Variants in KIF26A observed in about 807,000 individuals in gnomAD.
KIF26A encodes kinesin-like protein KIF26A.
In KIF26A, 74 loss-of-function variants were observed where a neutral mutation model predicts 126.0. The observed-to-expected ratio is 0.59, with a 90% CI of 0.49 to 0.71. KIF26A has a LOEUF of 0.71. Ranked by LOEUF, KIF26A falls within the 30% of genes least tolerant of loss-of-function variation. The pLI, the probability that KIF26A is intolerant of heterozygous loss-of-function variation, is 0.00. For synonymous variants in KIF26A, 1,445 were observed against 1,232.7 expected, an observed-to-expected ratio of 1.17 and a Z score of -3.61; for missense variants, 2,984 against 2,763.3, an observed-to-expected ratio of 1.08 and a Z score of -1.79.
rs1471997684 is a variant in KIF26A at position 104,166,885 on chromosome 14, C to T, written c.950C>T (p.Ser317Phe). 1 of 1,583,670 alleles carries T rather than the reference C, an allele frequency of 6.3e-7. No homozygotes were observed. Among genetic ancestry groups the T allele is most frequent in the Admixed American group, 1.8e-5 (1 of 56,404 alleles). Residue 317 changes from serine (S) to phenylalanine (F), a missense_variant, in exon 5 of 15, where the codon TCC becomes TTC. By Grantham distance (155) the Ser-to-Phe change is radical. Coordinates refer to ENST00000423312, the MANE Select transcript of KIF26A (RefSeq NM_015656.2). ...IRAMQKLSLA[S>F]KRKKPHPPPP... ...GCTATGCAGAAGCTCAGCCTGGCCT[C>T]CAAGAGGAAGAAGCCCCACCCGCCA...
intron 14 of KIF26A, 99 bp from the exon 15 acceptor site, chr14:104,179,510 C>G (rs1029157062): frequency 4.2e-6 from 6 of 1,428,514 alleles, no homozygotes; most frequent in Non-Finnish European, 5.5e-6. Context: ...CAGGGTCGGC[C>G]GGGCCAAGAT....
At chr14:104,166,178 G>A (rs915915778) in intron 4 of KIF26A, among the ~76,000 whole-genome samples, 2 of 138,582 alleles carry the variant, frequency 1.4e-5, no homozygotes, top group Admixed American at 1.4e-4. Context: ...GACGAGGGTG[G>A]CAGGGGCCCA....
intron 4 of KIF26A, among the ~76,000 whole-genome samples, chr14:104,164,740 CGCGT>C (rs1566860375): frequency 1.4e-5 from 2 of 147,558 alleles, no homozygotes; most frequent in African/African-American, 5.0e-5. Flanking sequence ...TGTGTGTGTG[CGCGT>C]GTCTGTGTGT....
rs921716777 is a variant in KIF26A, at chr14:104,151,088, A to G, written c.289-927A>G. The stretch of plus-strand genomic sequence containing the variant: ...TGAGGGACACGGGTGGGCCCCAGAG[A>G]GGAGTAAGCCTCTTGGTCGATTCCC... On this transcript the variant is annotated intron_variant, in intron 2 of 14. Coordinates refer to ENST00000423312, the MANE Select transcript of KIF26A (RefSeq NM_015656.2). The surrounding 1 kb of genome is among the most constrained non-coding windows in gnomAD (Gnocchi z 4.9). 2.0e-5 allele frequency among the ~76,000 whole-genome samples: 3 copies of G among 152,142 alleles called. No homozygotes were observed. Among genetic ancestry groups the G allele is most frequent in the East Asian group, 1.9e-4 (1 of 5,188 alleles).
rs761161538 is a variant in KIF26A at position 104,176,628 on chromosome 14, C to T, written c.3840C>T (p.Ala1280=). 1 of 1,608,062 alleles carries T rather than the reference C, an allele frequency of 6.2e-7. No individual in the cohort carries two copies. Among genetic ancestry groups the T allele is most frequent in the Non-Finnish European group, 8.5e-7 (1 of 1,178,458 alleles). ...AGGCCCAGGTGATGCTAGCCTGTGC[C>T]CAGAGAGTGGTGGACGGGTGTGAGG... is the stretch of plus-strand genomic sequence containing the variant. ...LPEAQVMLAC[A]QRVVDGCEVA... is the part of the protein sequence containing the mutation. Residue 1280 remains alanine (A), a synonymous_variant, in exon 12 of 15, where the codon GCC becomes GCT. Transcript: ENST00000423312.
intron 4 of KIF26A, among the ~76,000 whole-genome samples, chr14:104,166,480 G>A (rs981455752): frequency 6.6e-6 from 1 of 152,160 alleles, no homozygotes; most frequent in Non-Finnish European, 1.5e-5. Context: ...CACAGCCTGG[G>A]CATCGGGTGG....
chr14:104,164,097 C>T (rs1372498097), intron 4 of KIF26A, among the ~76,000 whole-genome samples: 1 of 152,090 alleles, frequency 6.6e-6, no homozygotes, highest in Non-Finnish European at 1.5e-5. Flanking sequence ...TAAGAGACAG[C>T]TCCTATTCAA....
intron 3 of KIF26A, among the ~76,000 whole-genome samples, chr14:104,156,289 G>T: frequency 6.6e-6 from 1 of 152,236 alleles, no homozygotes; most frequent in East Asian, 1.9e-4. Context: ...TGAGGTGAGG[G>T]AGTGGCTGGG....
intron 2 of KIF26A, among the ~76,000 whole-genome samples, chr14:104,150,894 G>T (rs1343401891): frequency 6.6e-6 from 1 of 152,174 alleles, no homozygotes; most frequent in Non-Finnish European, 1.5e-5. Context: ...TGTCCTGGGG[G>T]TTGCCCGGGC....
At chr14:104,160,638 C>T (rs916314728) in intron 4 of KIF26A, among the ~76,000 whole-genome samples, 4 of 152,276 alleles carry the variant, frequency 2.6e-5, no homozygotes, top group East Asian at 1.9e-4. Flanking sequence ...AGGAGTTCTC[C>T]GAAGGCTCTG....
Position 104,175,678 on chromosome 14 carries a change from G to A in KIF26A, c.2890G>A (p.Ala964Thr). ...TCCTCAGTTGCTGGAAGCCTGCAGA[G>A]CCCCAGAAGAGCCTGGGGGAGGGGG... Reference protein sequence around the residue: ...PPPQLLEACRAPEEPGGGGTD... With the variant: ...PPPQLLEACRTPEEPGGGGTD... The change falls in exon 12 of 15, where the codon GCC becomes ACC. Residue 964 changes from alanine (A) to threonine (T), a missense_variant. Ala to Thr is a moderately conservative substitution (Grantham distance 58). Coordinates refer to ENST00000423312, the MANE Select transcript of KIF26A (RefSeq NM_015656.2). The A allele has an allele frequency of 6.2e-7, 1 of 1,606,108 alleles. No individual in the cohort carries two copies. The highest frequency in any genetic ancestry group is 8.5e-7 in the Non-Finnish European group (1 of 1,177,464).
At chr14:104,159,003 C>T (rs1451546468) in intron 4 of KIF26A, among the ~76,000 whole-genome samples, 1 of 152,228 alleles carries the variant, frequency 6.6e-6, no homozygotes, top group Non-Finnish European at 1.5e-5. Flanking sequence ...GGCGTCTTAT[C>T]AGCGCCGGCC....
At chr14:104,164,749 G>T (rs2037866324) in intron 4 of KIF26A, among the ~76,000 whole-genome samples, 1 of 150,206 alleles carries the variant, frequency 6.7e-6, no homozygotes, top group African/African-American at 2.5e-5. Context: ...GCGCGTGTCT[G>T]TGTGTGTGCG....
Position 104,179,751 on chromosome 14 carries a change from C to T in KIF26A, c.5610C>T (p.Ala1870=). 1 of 1,553,250 alleles carries T rather than the reference C, an allele frequency of 6.4e-7. No homozygotes were observed. The highest frequency in any genetic ancestry group is 8.7e-7 in the Non-Finnish European group (1 of 1,149,262). The part of the protein sequence containing the change: ...MVTCFDISVA[A]SAAIPGPQEV... Reference sequence around the variant, plus strand: ...CCTGCTTCGACATCAGCGTTGCAGCCAGTGCTGCCATCCCGGGGCCGCAGG... The same window carrying T: ...CCTGCTTCGACATCAGCGTTGCAGCTAGTGCTGCCATCCCGGGGCCGCAGG... Residue 1870 remains alanine (A), a synonymous_variant, in exon 15 of 15, where the codon GCC becomes GCT. Coordinates refer to ENST00000423312, the MANE Select transcript of KIF26A (RefSeq NM_015656.2).
intron 5 of KIF26A, among the ~76,000 whole-genome samples, chr14:104,167,804 C>G (rs566353474): frequency 6.6e-6 from 1 of 152,270 alleles, no homozygotes; most frequent in Admixed American, 6.5e-5. Context: ...TGCCCCTCGG[C>G]CTGCTCTGCA....
rs2038035878 is a variant in KIF26A, at chr14:104,176,877, C to T, written c.4089C>T (p.Ala1363=). ...LPRPSGAAPP[A]PPTRKSSLEQ... is the part of the protein sequence containing the mutation. Reference sequence around the variant, plus strand: ...GGCCCAGTGGGGCGGCCCCCCCGGCCCCACCCACGCGGAAGTCCAGCCTGG... The same window carrying T: ...GGCCCAGTGGGGCGGCCCCCCCGGCTCCACCCACGCGGAAGTCCAGCCTGG... The change falls in exon 12 of 15, where the codon GCC becomes GCT. Residue 1363 remains alanine, a synonymous_variant. Coordinates refer to ENST00000423312, the MANE Select transcript of KIF26A (RefSeq NM_015656.2). 7.1e-6 allele frequency: 11 copies of T among 1,542,596 alleles called. No individual in the cohort carries two copies. The highest frequency in any genetic ancestry group is 1.9e-4 in the Middle Eastern group (1 of 5,166).
rs761882209 is a variant in KIF26A, at chr14:104,178,648, C to T, written c.5209C>T (p.Pro1737Ser). Residue 1737 changes from proline to serine, a missense_variant, in exon 13 of 15, where the codon CCC becomes TCC. Physicochemically the swap from Pro to Ser is moderately conservative, Grantham distance 74 (BLOSUM62 -1). Transcript: ENST00000423312. ...CGGGCAGTGGGTGGACCTGCCCCCG[C>T]CCCTGGCTGGCTCCCTGAAGGAGCC... ...LPGQWVDLPPPLAGSLKEPFE... is the reference protein window; with the variant it reads ...LPGQWVDLPPSLAGSLKEPFE... The T allele has an allele frequency of 1.0e-5, 16 of 1,554,010 alleles. No homozygotes were observed. Among genetic ancestry groups the T allele is most frequent in the Non-Finnish European group, 1.4e-5 (16 of 1,149,438 alleles).
intron 4 of KIF26A, among the ~76,000 whole-genome samples, chr14:104,164,741 GCGTGTC>G (rs2037866126): frequency 6.8e-6 from 1 of 147,274 alleles, no homozygotes; most frequent in Non-Finnish European, 1.5e-5. Context: ...GTGTGTGTGC[GCGTGTC>G]TGTGTGTGTG....
chr14:104,152,352 C>T lies in KIF26A; in HGVS notation c.626C>T (p.Pro209Leu). ...PGPSVQVSVA[P>L]AGLGGALSTV... ...CCCAGTGTCCAGGTGTCTGTAGCAC[C>T]TGCGGGTCTTGGAGGGGCGCTGAGC... Residue 209 changes from proline to leucine, a missense_variant, in exon 3 of 15, where the codon CCT becomes CTT. Physicochemically the swap from Pro to Leu is moderately conservative, Grantham distance 98 (BLOSUM62 -3). Coordinates refer to ENST00000423312, the MANE Select transcript of KIF26A (RefSeq NM_015656.2). This position sits in a 1 kb window ranked among gnomAD's most constrained non-coding sequence, Gnocchi z 5.9. 1 of 1,587,810 alleles carries T rather than the reference C, an allele frequency of 6.3e-7. No individual in the cohort carries two copies. The highest frequency in any genetic ancestry group is 8.6e-7 in the Non-Finnish European group (1 of 1,168,776).
Sources: gnomAD v4.1 joint callset for allele counts (sites outside exome capture counted in the v4.1 genomes callset) on GRCh38, gnomAD v4.1.1 for gene constraint, Gnocchi (gnomAD v3.1) non-coding constraint, MANE v1.5 for transcripts, NCBI Gene and HGNC (gene_info 2026-07-23, HGNC 2026-07-21) for gene names.